SNX29: variants seen among roughly 807,000 people sequenced by gnomAD.
The protein encoded by SNX29 is sorting nexin 29.
Under a neutral mutation model 102.1 loss-of-function variants are expected in SNX29, and 78 were observed. The ratio of observed to expected loss-of-function variants is 0.76; its 90% CI spans 0.64 to 0.92. The LOEUF is 0.92. SNX29 is among the 40% of genes least tolerant of loss of function. The pLI is 0.00. For missense variants in SNX29, 1,280 were observed against 1,061.7 expected, an observed-to-expected ratio of 1.21 and a Z score of -2.86; for synonymous variants, 580 against 414.5, an observed-to-expected ratio of 1.40 and a Z score of -4.85.
At chr16:12,114,482 C>T (rs941848796) in intron 11 of SNX29, among the ~76,000 whole-genome samples, 1 of 152,162 alleles carries the variant, frequency 6.6e-6, no homozygotes, top group Non-Finnish European at 1.5e-5. Context: ...ATTCTGAGAT[C>T]CCATTCGGGA....
In SNX29 at chr16:12,012,894, T is replaced by A. The variant is rs150499277; in HGVS notation, c.122+9851T>A. ...TCTGGGTTTCCCTAAAATCGTGTCA[T>A]GTACTGTGTACCTACAGCGTAGTAT... is the stretch of plus-strand genomic sequence containing the variant. On this transcript the variant is annotated intron_variant, in intron 3 of 20. Coordinates refer to ENST00000566228, the MANE Select transcript of SNX29 (RefSeq NM_032167.5). 3.7e-3 allele frequency among the ~76,000 whole-genome samples: 558 copies of A among 152,178 alleles called. 15 individuals are homozygous for A. The highest frequency in any genetic ancestry group is 0.034 in the Admixed American group (521 of 15,240).
intron 14 of SNX29, among the ~76,000 whole-genome samples, chr16:12,251,792 C>A (rs2078430909): frequency 6.6e-6 from 1 of 151,902 alleles, no homozygotes; most frequent in Non-Finnish European, 1.5e-5. Context: ...CAGTGTCTTG[C>A]TCTGTCACCC....
intron 15 of SNX29, among the ~76,000 whole-genome samples, chr16:12,325,499 A>G (rs1362712978): frequency 1.3e-5 from 2 of 152,216 alleles, no homozygotes; most frequent in Non-Finnish European, 2.9e-5. Context: ...TGTGACAAGC[A>G]TTTTATAAAA....
At chr16:12,268,095 G>C (rs1039645443) in intron 14 of SNX29, among the ~76,000 whole-genome samples, 1 of 152,202 alleles carries the variant, frequency 6.6e-6, no homozygotes, top group Non-Finnish European at 1.5e-5. Flanking sequence ...TGCTCAGACA[G>C]CTCCTCACTA....
In SNX29 at chr16:12,551,907, T is replaced by C. The variant is rs116388476; in HGVS notation, c.2319-16599T>C. On this transcript the variant is annotated intron_variant, in intron 20 of 20. Transcript: ENST00000566228. ...TGCTCATCTGTAAGGTAGGGATCTC[T>C]ATACCCTACCACACAGAGCCACTGT... Among the ~76,000 whole-genome samples, 797 of 152,308 alleles carry C rather than the reference T, an allele frequency of 5.2e-3. 10 individuals are homozygous for C. The highest frequency in any genetic ancestry group is 0.018 in the African/African-American group (757 of 41,570).
At chr16:12,565,042 G>C (rs1219175896) in intron 20 of SNX29, among the ~76,000 whole-genome samples, 2 of 152,134 alleles carry the variant, frequency 1.3e-5, no homozygotes, top group Non-Finnish European at 2.9e-5. Flanking sequence ...GCCTGGCACT[G>C]GCTTCATTCC....
In SNX29 at chr16:12,048,445, C is replaced by T. The variant is rs772079564; in HGVS notation, c.573C>T (p.Thr191=). 42 of 1,613,810 alleles carry T rather than the reference C, an allele frequency of 2.6e-5. No individual in the cohort carries two copies. The highest frequency in any genetic ancestry group is 3.4e-5 in the Non-Finnish European group (40 of 1,179,874). Reference sequence around the variant, plus strand: ...ACGGGCAGAGTAAGTTTGCTCCCACCGTTTCAGACCTCTTAAAGGAGTCAA... The same window carrying T: ...ACGGGCAGAGTAAGTTTGCTCCCACTGTTTCAGACCTCTTAAAGGAGTCAA... ...DLNGQSKFAP[T]VSDLLKESTQ... The change falls in exon 7 of 21, where the codon ACC becomes ACT. Residue 191 remains threonine, a synonymous_variant. Coordinates refer to ENST00000566228, the MANE Select transcript of SNX29 (RefSeq NM_032167.5).
At position 12,132,761 on chromosome 16, in the gene SNX29, G is replaced by T. The variant is rs147488239; in HGVS notation, c.1595+3003G>T. ...AGCAGTGGGTTGCTAAGAGTTTAAG[G>T]TGTCTGAAAGTTTGCAGTCTGTAGG... On this transcript the variant is annotated intron_variant, in intron 13 of 20. Transcript: ENST00000566228. Among the ~76,000 whole-genome samples, 992 of 152,336 alleles carry T rather than the reference G, an allele frequency of 6.5e-3. 6 individuals are homozygous for T. Among genetic ancestry groups the T allele is most frequent in the Non-Finnish European group, 0.011 (716 of 68,038 alleles).
At chr16:12,021,293 G>A (rs1313690924) in intron 3 of SNX29, among the ~76,000 whole-genome samples, 3 of 152,156 alleles carry the variant, frequency 2.0e-5, no homozygotes, top group South Asian at 4.2e-4. Flanking sequence ...GGGCATGGTG[G>A]TGCACACCTG....
chr16:12,501,327 T>G, intron 19 of SNX29, among the ~76,000 whole-genome samples: 1 of 152,004 alleles, frequency 6.6e-6, no homozygotes, highest in East Asian at 1.9e-4. Flanking sequence ...TTGCTTGAGA[T>G]TAGGAGTTCA....
chr16:12,553,312 G>A lies in SNX29; in HGVS notation c.2319-15194G>A, dbSNP rs190792493. On this transcript the variant is annotated intron_variant, in intron 20 of 20. Transcript: ENST00000566228. ...GGAAAATGAGTGGGCACCTGGCCCT[G>A]GGAAACGCCCTAACAAGGCAGGCAG... 2.1e-3 allele frequency among the ~76,000 whole-genome samples: 315 copies of A among 152,298 alleles called. 1 individual carries two copies. Among genetic ancestry groups the A allele is most frequent in the African/African-American group, 7.4e-3 (309 of 41,564 alleles).
At chr16:12,406,251 T>G (rs1399576608) in intron 18 of SNX29, among the ~76,000 whole-genome samples, 1 of 152,240 alleles carries the variant, frequency 6.6e-6, no homozygotes, top group Non-Finnish European at 1.5e-5. Context: ...TCCTGTGGGC[T>G]TCCTGGCAGC....
At chr16:12,372,161 G>A (rs1358733532) in intron 16 of SNX29, among the ~76,000 whole-genome samples, 7 of 152,040 alleles carry the variant, frequency 4.6e-5, no homozygotes, top group Admixed American at 2.6e-4. Context: ...CATGCCTAAC[G>A]CACATCTATT....
At chr16:12,173,375 G>C (rs118057675) in intron 13 of SNX29, among the ~76,000 whole-genome samples, 4 of 152,204 alleles carry the variant, frequency 2.6e-5, no homozygotes, top group Non-Finnish European at 4.4e-5. Flanking sequence ...TGTGTGATCA[G>C]CTTTCACAAG....
chr16:12,192,754 G>A (rs954737604), intron 13 of SNX29, among the ~76,000 whole-genome samples: 1 of 152,194 alleles, frequency 6.6e-6, no homozygotes, highest in Non-Finnish European at 1.5e-5. Flanking sequence ...CCAGGCTGGA[G>A]TTCAATGGCA....
chr16:12,076,114 C>T (rs951003443), intron 10 of SNX29, among the ~76,000 whole-genome samples: 10 of 152,200 alleles, frequency 6.6e-5, no homozygotes, highest in African/African-American at 2.4e-4. Flanking sequence ...ACCCCTTGCG[C>T]TTCCCGAGTG....
chr16:12,487,054 C>T (rs540799372), intron 19 of SNX29, among the ~76,000 whole-genome samples: 2 of 152,310 alleles, frequency 1.3e-5, no homozygotes, highest in African/African-American at 4.8e-5. Context: ...TTTGACCTCT[C>T]TGTGCCTGTT....
chr16:12,213,578 T>C (rs2077244390), intron 14 of SNX29, among the ~76,000 whole-genome samples: 1 of 152,236 alleles, frequency 6.6e-6, no homozygotes, highest in East Asian at 1.9e-4. Context: ...GTTGGTGTTG[T>C]GGGTTGGAAA....
intron 20 of SNX29, among the ~76,000 whole-genome samples, chr16:12,550,851 T>C (rs1054811010): frequency 6.6e-6 from 1 of 152,188 alleles, no homozygotes; most frequent in Non-Finnish European, 1.5e-5. Context: ...TTGAGCAGTA[T>C]TTTCATGATA....
Sources: gnomAD v4.1 joint callset for allele counts (sites outside exome capture counted in the v4.1 genomes callset) on GRCh38, gnomAD v4.1.1 for gene constraint, MANE v1.5 for transcripts, NCBI Gene and HGNC (gene_info 2026-07-23, HGNC 2026-07-21) for gene names.